HDAC9: variants seen among roughly 807,000 people sequenced by gnomAD.
HDAC9 encodes MEF-2 interacting transcription repressor (MITR) protein.
Under a neutral mutation model 139.4 loss-of-function variants are expected in HDAC9, and 41 were observed. The ratio of observed to expected loss-of-function variants is 0.29; its 90% CI spans 0.23 to 0.38. HDAC9 has a LOEUF of 0.38. Among genes scored for constraint, HDAC9 ranks in the 10% least tolerant of loss-of-function variants. HDAC9 has a pLI of 1.00. For missense variants in HDAC9, 1,147 were observed against 1,297.0 expected, an observed-to-expected ratio of 0.88 and a Z score of 1.78; for synonymous variants, 517 against 476.2, an observed-to-expected ratio of 1.09 and a Z score of -1.12.
At chr7:18,824,743 G>A (rs1585106266) in intron 17 of HDAC9, among the ~76,000 whole-genome samples, 2 of 152,202 alleles carry the variant, frequency 1.3e-5, no homozygotes, top group African/African-American at 2.4e-5. Context: ...TCTTCTCTCT[G>A]CCACCCTCAT....
intron 24 of HDAC9, among the ~76,000 whole-genome samples, chr7:18,972,055 A>T (rs553115985): frequency 2.0e-5 from 3 of 152,342 alleles, no homozygotes; most frequent in Admixed American, 2.0e-4. Flanking sequence ...GCCCTTGCTT[A>T]TTCTAAATGT....
Position 18,793,472 on chromosome 7 carries a change from A to T in HDAC9, c.2322+20A>T. On this transcript the variant is annotated intron_variant, in intron 17 of 25. Coordinates refer to ENST00000686413, the MANE Select transcript of HDAC9 (RefSeq NM_178425.4). ...CTGAAGGTGAGGTCCGGGTTGCATT[A>T]AGTGTGGGAAATCCAGAGAAGAAAC... The T allele has an allele frequency of 7.0e-7, 1 of 1,422,700 alleles. No individual in the cohort carries two copies. The allele number at this position is 1,422,700 out of a possible 1,614,324, so 88.1% of individuals were successfully genotyped here. A position where few individuals can be genotyped will look rare whatever the true frequency, so the allele number is the denominator to read the frequency against.
chr7:18,965,040 G>A (rs1327769738), intron 24 of HDAC9, among the ~76,000 whole-genome samples: 1 of 152,170 alleles, frequency 6.6e-6, no homozygotes. Flanking sequence ...CTTCTTTGGT[G>A]AGTTAACAAA....
rs118147865 is a variant in HDAC9 at position 18,953,575 on chromosome 7, T to G, written c.2938-571T>G. Among the ~76,000 whole-genome samples the G allele has an allele frequency of 1.6e-3, 241 of 152,264 alleles. 3 individuals are homozygous for G. The East Asian group carries it at 0.042, about 26-fold the overall frequency. ...GACATCTGCATAGTTATGAATAAAG[T>G]AGAAGTTAAATGAAACTGTACAGTT... On this transcript the variant is annotated intron_variant, in intron 23 of 25. Transcript: ENST00000686413.
At chr7:18,648,145 T>C in intron 10 of HDAC9, 147 bp downstream of exon 10, 1 of 686,036 alleles carries the variant, frequency 1.5e-6, no homozygotes, top group East Asian at 2.7e-5. Flanking sequence ...TGGGAAAGGC[T>C]ATCATCTTTA....
rs184796926 is a variant in HDAC9, at chr7:18,889,050, A to T, written c.2803+14454A>T. Among the ~76,000 whole-genome samples the T allele has an allele frequency of 4.7e-4, 71 of 152,258 alleles. 1 individual carries two copies. Among genetic ancestry groups the T allele is most frequent in the Middle Eastern group, 3.4e-3 (1 of 294 alleles). Reference sequence around the variant, plus strand: ...CCTCTGCTTTATATTCTTTTCCTGCAACTACAATAATGTACACCTCTTACC... The same window carrying T: ...CCTCTGCTTTATATTCTTTTCCTGCTACTACAATAATGTACACCTCTTACC... On this transcript the variant is annotated intron_variant, in intron 22 of 25. Coordinates refer to ENST00000686413, the MANE Select transcript of HDAC9 (RefSeq NM_178425.4).
At chr7:18,554,283 G>A (rs1002906954) in intron 2 of HDAC9, among the ~76,000 whole-genome samples, 2 of 151,002 alleles carry the variant, frequency 1.3e-5, no homozygotes, top group Admixed American at 1.3e-4. Flanking sequence ...AAAAAAAAAG[G>A]CTGGTTAGTT....
chr7:18,441,902 G>C (rs920320562), intron 1 of HDAC9, among the ~76,000 whole-genome samples: 1 of 152,030 alleles, frequency 6.6e-6, no homozygotes, highest in Non-Finnish European at 1.5e-5. Flanking sequence ...CGAGTAGCTG[G>C]GACTACGGGC....
At chr7:18,185,430 C>T (rs890264060) in intron 2 of HDAC9, among the ~76,000 whole-genome samples, 1 of 152,100 alleles carries the variant, frequency 6.6e-6, no homozygotes, top group Non-Finnish European at 1.5e-5. Context: ...GCACAAAGAA[C>T]AGGATAAAGT....
chr7:18,331,026 G>A (rs183089223), intron 1 of HDAC9, among the ~76,000 whole-genome samples: 4 of 151,604 alleles, frequency 2.6e-5, no homozygotes, highest in Non-Finnish European at 5.9e-5. Context: ...TTAATAACTG[G>A]TTTCTCTGTT....
At chr7:18,956,932 C>A (rs1783194244) in intron 24 of HDAC9, among the ~76,000 whole-genome samples, 1 of 152,132 alleles carries the variant, frequency 6.6e-6, no homozygotes, top group Admixed American at 6.5e-5. Flanking sequence ...GCCTAAAATT[C>A]TTACTGCGTT....
chr7:18,945,839 C>A lies in HDAC9; in HGVS notation c.2938-8307C>A, dbSNP rs765614100. On this transcript the variant is annotated intron_variant, in intron 23 of 25. Transcript: ENST00000686413. ...GAATCACGAGGTCAGAAGTTTGAGA[C>A]CATCCTAACCAACATGGTGAAACCC... Among the ~76,000 whole-genome samples the A allele has an allele frequency of 1.8e-4, 27 of 151,558 alleles. 1 individual carries two copies. The highest frequency in any genetic ancestry group is 6.1e-4 in the African/African-American group (25 of 41,266).
chr7:18,775,668 T>C (rs1790702627), intron 16 of HDAC9, among the ~76,000 whole-genome samples: 1 of 147,030 alleles, frequency 6.8e-6, no homozygotes, highest in African/African-American at 2.6e-5. Context: ...TAGACTCACA[T>C]TTTTTCTTAT....
intron 9 of HDAC9, among the ~76,000 whole-genome samples, chr7:18,645,844 GT>G (rs1232894660): frequency 2.0e-5 from 3 of 152,192 alleles, no homozygotes; most frequent in African/African-American, 7.2e-5. Flanking sequence ...TCAACACATA[GT>G]TTCAATGCGT....
At chr7:18,318,121 C>T (rs1418948831) in intron 1 of HDAC9, among the ~76,000 whole-genome samples, 1 of 152,114 alleles carries the variant, frequency 6.6e-6, no homozygotes, top group East Asian at 1.9e-4. Context: ...ATCCCAGTGT[C>T]CTGGCCTCCT....
In HDAC9 at chr7:18,710,936, A is replaced by G. The variant is rs566147494; in HGVS notation, c.1732-16644A>G. ...GATTTTAAACTAACAGTCACAAAGG[A>G]TATCATACATTTCAAATTTGCATAC... On this transcript the variant is annotated intron_variant, in intron 12 of 25. Coordinates refer to ENST00000686413, the MANE Select transcript of HDAC9 (RefSeq NM_178425.4). 9.2e-5 allele frequency among the ~76,000 whole-genome samples: 14 copies of G among 152,348 alleles called. No homozygotes were observed. The South Asian group carries it at 2.9e-3, about 32-fold the overall frequency.
chr7:18,432,813 T>G (rs547976971), intron 1 of HDAC9, among the ~76,000 whole-genome samples: 1 of 151,994 alleles, frequency 6.6e-6, no homozygotes, highest in Admixed American at 6.6e-5. Flanking sequence ...TAGCTGGGCA[T>G]GGTGGCAGGT....
intron 12 of HDAC9, among the ~76,000 whole-genome samples, chr7:18,725,924 C>A (rs371884112): frequency 6.6e-6 from 1 of 152,168 alleles, no homozygotes; most frequent in Non-Finnish European, 1.5e-5. Flanking sequence ...TCCCAATCAT[C>A]GAAGCGAATG....
intron 1 of HDAC9, among the ~76,000 whole-genome samples, chr7:18,330,366 C>T (rs1376565220): frequency 6.6e-6 from 1 of 151,384 alleles, no homozygotes; most frequent in Non-Finnish European, 1.5e-5. Flanking sequence ...ATATTTTTCT[C>T]CTAAAACTGC....
Sources: allele counts gnomAD v4.1 joint callset (sites outside exome capture counted in the v4.1 genomes callset), GRCh38; gene constraint gnomAD v4.1.1; transcripts MANE v1.5; gene names NCBI Gene and HGNC (gene_info 2026-07-23, HGNC 2026-07-21).